SLC8A1: variants seen among roughly 807,000 people sequenced by gnomAD.
SLC8A1 encodes sodium/calcium exchanger 1.
A neutral mutation model predicts 68.3 loss-of-function variants in SLC8A1; 18 were observed. That is an observed-to-expected ratio of 0.26 (90% confidence interval 0.18 to 0.39). The LOEUF (loss-of-function observed/expected upper bound fraction) is 0.39, where lower values mean the gene tolerates loss of function less well. SLC8A1 is among the 10% of genes least tolerant of loss of function. The pLI is 1.00. For synonymous variants in SLC8A1, 475 were observed against 415.5 expected (o/e 1.14, Z -1.74); for missense variants, 985 against 1,156.7 (o/e 0.85, Z 2.15).
At chr2:40,377,127 A>C (rs906953716) in intron 2 of SLC8A1, among the ~76,000 whole-genome samples, 1 of 149,384 alleles carries the variant, frequency 6.7e-6, no homozygotes, top group Non-Finnish European at 1.5e-5. Flanking sequence ...TAAGTTACTC[A>C]AGGAAGAGTT....
At chr2:40,202,336 G>A (rs1431699561) in intron 2 of SLC8A1, among the ~76,000 whole-genome samples, 2 of 151,910 alleles carry the variant, frequency 1.3e-5, no homozygotes, top group Non-Finnish European at 2.9e-5. Context: ...AAAGCTATCT[G>A]TGATTTATCA....
chr2:40,135,803 C>T (rs765855318), intron 7 of SLC8A1, among the ~76,000 whole-genome samples: 13 of 152,006 alleles, frequency 8.6e-5, no homozygotes, highest in East Asian at 5.8e-4. Flanking sequence ...GATACCTGGA[C>T]GGAATATGAC....
intron 1 of SLC8A1, among the ~76,000 whole-genome samples, chr2:40,473,549 G>A (rs929211959): frequency 1.3e-5 from 2 of 152,098 alleles, no homozygotes; most frequent in African/African-American, 2.4e-5. Context: ...CATTTTACAT[G>A]TTTTGTTGAT....
chr2:40,428,727 A>T, exon 2 of SLC8A1: 1 of 1,613,814 alleles, frequency 6.2e-7, no homozygotes, highest in Non-Finnish European at 8.5e-7. Context: ...CGAGGCAAGC[A>T]AGTGTAGAAA....
intron 2 of SLC8A1, among the ~76,000 whole-genome samples, chr2:40,216,046 T>C (rs975497089): frequency 4.0e-5 from 6 of 151,546 alleles, no homozygotes; most frequent in Non-Finnish European, 8.8e-5. Flanking sequence ...AAAATTTTAC[T>C]TTAAACTCTG....
At chr2:40,288,230 AC>A (rs1182485146) in intron 2 of SLC8A1, among the ~76,000 whole-genome samples, 3 of 152,152 alleles carry the variant, frequency 2.0e-5, no homozygotes, top group African/African-American at 7.2e-5. Flanking sequence ...CACACATATG[AC>A]CTGAAACTTT....
intron 2 of SLC8A1, among the ~76,000 whole-genome samples, chr2:40,253,119 A>G (rs1234372869): frequency 1.8e-5 from 2 of 110,522 alleles, no homozygotes; most frequent in Admixed American, 2.1e-4. Context: ...ACGTGTATAC[A>G]TATATACACG....
At chr2:40,203,578 C>T (rs1348909987) in intron 2 of SLC8A1, among the ~76,000 whole-genome samples, 1 of 152,020 alleles carries the variant, frequency 6.6e-6, no homozygotes, top group Non-Finnish European at 1.5e-5. Flanking sequence ...TTAGAGGAGT[C>T]TTAGCCAAAA....
intron 2 of SLC8A1, among the ~76,000 whole-genome samples, chr2:40,400,819 T>C (rs545156917): frequency 1.3e-5 from 2 of 152,282 alleles, no homozygotes; most frequent in South Asian, 4.1e-4. Context: ...TCTAAGGACT[T>C]TGTCTGCCAA....
chr2:40,415,013 T>C (rs75543862), intron 2 of SLC8A1, among the ~76,000 whole-genome samples: 5 of 152,166 alleles, frequency 3.3e-5, no homozygotes, highest in African/African-American at 1.2e-4. Context: ...CTCAGAAATT[T>C]GTTGTAAAAG....
intron 2 of SLC8A1, among the ~76,000 whole-genome samples, chr2:40,233,151 C>A (rs1013205604): frequency 3.9e-4 from 60 of 152,204 alleles, no homozygotes; most frequent in African/African-American, 1.4e-3. Context: ...GTTTCCAGTT[C>A]TAGATCCCTG....
intron 7 of SLC8A1, chr2:40,116,991 A>T (rs1489260586): frequency 6.6e-6 from 1 of 152,212 alleles, no homozygotes; most frequent in East Asian, 1.9e-4. Flanking sequence ...TCAATTTCCT[A>T]ATCTGTTAAA....
At chr2:40,449,031 G>C (rs1242425676) in intron 1 of SLC8A1, among the ~76,000 whole-genome samples, 5 of 151,548 alleles carry the variant, frequency 3.3e-5, no homozygotes, top group Non-Finnish European at 2.9e-5. Context: ...TTATATTTCA[G>C]TTTGAATTTT....
intron 2 of SLC8A1, among the ~76,000 whole-genome samples, chr2:40,287,582 A>ATGTATGTGTGTGTGTGTGTGTG (rs2068524095): frequency 7.8e-6 from 1 of 127,480 alleles, no homozygotes; most frequent in Non-Finnish European, 1.7e-5. Flanking sequence ...CAGAGGAATG[A>ATGTATGTGTGTGTGTGTGTGTG]TGTGTGTGTG....
intron 2 of SLC8A1, among the ~76,000 whole-genome samples, chr2:40,246,601 G>A (rs141554520): frequency 1.3e-5 from 2 of 152,288 alleles, no homozygotes; most frequent in African/African-American, 2.4e-5. Context: ...TTCAAGGTCT[G>A]CCAGCTGAAT....
chr2:40,414,901 T>C (rs1693336698), intron 2 of SLC8A1, among the ~76,000 whole-genome samples: 2 of 152,096 alleles, frequency 1.3e-5, no homozygotes, highest in Admixed American at 6.6e-5. Flanking sequence ...TATAAGACAA[T>C]AGGTATCAAC....
At chr2:40,428,787 G>T (rs1440015544) in exon 2 of SLC8A1, 2 of 1,613,796 alleles carry the variant, frequency 1.2e-6, no homozygotes, top group East Asian at 2.2e-5. Flanking sequence ...AAGATACTTT[G>T]ACATTGCTGA....
chr2:40,299,829 C>G (rs1174854537), intron 2 of SLC8A1, among the ~76,000 whole-genome samples: 1 of 152,170 alleles, frequency 6.6e-6, no homozygotes, highest in Non-Finnish European at 1.5e-5. Flanking sequence ...TGCCAAGGAG[C>G]AGACCTCTCT....
At chr2:40,188,575 T>G (rs745782918) in intron 2 of SLC8A1, among the ~76,000 whole-genome samples, 1 of 152,242 alleles carries the variant, frequency 6.6e-6, no homozygotes, top group Non-Finnish European at 1.5e-5. Flanking sequence ...CTACCTTTGG[T>G]CTTTCTTCCT....
Sources: gnomAD v4.1 joint callset for allele counts (sites outside exome capture counted in the v4.1 genomes callset) on GRCh38, gnomAD v4.1.1 for gene constraint, MANE v1.5 for transcripts, NCBI Gene and HGNC (gene_info 2026-07-23, HGNC 2026-07-21) for gene names.